RAD51B: variants seen among roughly 807,000 people sequenced by gnomAD.
The protein encoded by RAD51B is DNA repair protein RAD51 homolog 2.
Under a neutral mutation model 42.2 loss-of-function variants are expected in RAD51B, and 38 were observed. The ratio of observed to expected loss-of-function variants is 0.90; its 90% CI spans 0.70 to 1.18. RAD51B has a LOEUF of 1.18. RAD51B is among the 50% of genes most tolerant of loss of function. The pLI is 0.00. For synonymous variants in RAD51B, 154 were observed against 145.2 expected, an observed-to-expected ratio of 1.06 and a Z score of -0.43; for missense variants, 373 against 400.7, an observed-to-expected ratio of 0.93 and a Z score of 0.59.
intron 10 of RAD51B, among the ~76,000 whole-genome samples, chr14:68,564,629 G>A (rs763414014): frequency 3.3e-5 from 5 of 152,182 alleles, no homozygotes; most frequent in African/African-American, 1.2e-4. Flanking sequence ...GGGGTGGGTG[G>A]AAACTCTGCT....
chr14:67,875,408 A>G (rs1268282050), intron 5 of RAD51B, among the ~76,000 whole-genome samples: 1 of 152,202 alleles, frequency 6.6e-6, no homozygotes, highest in Non-Finnish European at 1.5e-5. Context: ...AACACCTAGC[A>G]AACTACAGTC....
At chr14:68,327,433 T>C (rs2082272350) in intron 8 of RAD51B, among the ~76,000 whole-genome samples, 2 of 151,482 alleles carry the variant, frequency 1.3e-5, no homozygotes, top group South Asian at 4.2e-4. Context: ...TTCTGTCTAC[T>C]GCTTTCTCCT....
intron 8 of RAD51B, among the ~76,000 whole-genome samples, chr14:68,309,192 T>C (rs541544605): frequency 1.3e-5 from 2 of 152,296 alleles, no homozygotes; most frequent in East Asian, 3.9e-4. Context: ...CTTCATTAAC[T>C]GAGAAGGCAT....
intron 10 of RAD51B, among the ~76,000 whole-genome samples, chr14:68,473,963 C>G (rs1187065710): frequency 6.6e-6 from 1 of 152,172 alleles, no homozygotes; most frequent in African/African-American, 2.4e-5. Flanking sequence ...TCACAACTTG[C>G]TTTTGTTGCT....
intron 10 of RAD51B, among the ~76,000 whole-genome samples, chr14:68,571,275 C>T (rs2140039920): frequency 6.6e-6 from 1 of 152,308 alleles, no homozygotes; most frequent in East Asian, 1.9e-4. Flanking sequence ...CCATTGCTGC[C>T]ATACAAACTT....
intron 7 of RAD51B, among the ~76,000 whole-genome samples, chr14:68,143,487 C>T (rs189929728): frequency 4.7e-4 from 72 of 152,324 alleles, no homozygotes; most frequent in Non-Finnish European, 7.6e-4. Flanking sequence ...AAGCAGACAG[C>T]TGAAAGCTTC....
chr14:68,593,310 G>A (rs2140081762), intron 10 of RAD51B, among the ~76,000 whole-genome samples: 1 of 152,348 alleles, frequency 6.6e-6, no homozygotes, highest in South Asian at 2.1e-4. Context: ...GACTAAATGA[G>A]TTAATATGTG....
intron 8 of RAD51B, among the ~76,000 whole-genome samples, chr14:68,295,174 A>C (rs570095142): frequency 6.6e-6 from 1 of 152,188 alleles, no homozygotes; most frequent in African/African-American, 2.4e-5. Flanking sequence ...CAATGCCGGG[A>C]AAGTCCTTGG....
chr14:68,059,726 T>C (rs1217034800), intron 7 of RAD51B, among the ~76,000 whole-genome samples: 1 of 152,232 alleles, frequency 6.6e-6, no homozygotes, highest in Non-Finnish European at 1.5e-5. Context: ...TATTTCATTA[T>C]GTATTTTAGT....
chr14:68,222,060 G>A (rs941434511), intron 7 of RAD51B, among the ~76,000 whole-genome samples: 1 of 152,226 alleles, frequency 6.6e-6, no homozygotes, highest in Non-Finnish European at 1.5e-5. Context: ...CATGGATGCG[G>A]TGAAAAGGGA....
chr14:68,589,839 A>C (rs1020502261), intron 10 of RAD51B, among the ~76,000 whole-genome samples: 3 of 152,326 alleles, frequency 2.0e-5, no homozygotes, highest in Admixed American at 2.0e-4. Context: ...CAGGGATAGA[A>C]AGGGCTTTTT....
intron 10 of RAD51B, among the ~76,000 whole-genome samples, chr14:68,468,843 T>C (rs2086050630): frequency 6.6e-6 from 1 of 152,196 alleles, no homozygotes; most frequent in Non-Finnish European, 1.5e-5. Context: ...TTGCTTAGGG[T>C]ATAGCACCCT....
intron 7 of RAD51B, among the ~76,000 whole-genome samples, chr14:67,982,429 T>G (rs1232461781): frequency 6.6e-6 from 1 of 152,168 alleles, no homozygotes; most frequent in African/African-American, 2.4e-5. Flanking sequence ...AACATAAATA[T>G]AACAATGAAC....
intron 7 of RAD51B, among the ~76,000 whole-genome samples, chr14:68,233,431 T>G (rs2080185692): frequency 6.6e-6 from 1 of 152,208 alleles, no homozygotes; most frequent in African/African-American, 2.4e-5. Context: ...ATTTTTAGAT[T>G]TCTGTTTGTA....
At chr14:68,607,156 A>G (rs914983807) in intron 10 of RAD51B, among the ~76,000 whole-genome samples, 2 of 152,196 alleles carry the variant, frequency 1.3e-5, no homozygotes, top group Non-Finnish European at 2.9e-5. Context: ...TGAGGGAAAC[A>G]CAGTGTAGTG....
At chr14:68,375,728 T>C (rs2083355129) in intron 8 of RAD51B, among the ~76,000 whole-genome samples, 1 of 152,126 alleles carries the variant, frequency 6.6e-6, no homozygotes, top group South Asian at 2.1e-4. Flanking sequence ...GTTGAATGCA[T>C]TAATGAATCA....
chr14:67,935,428 G>A (rs576311870), intron 7 of RAD51B, among the ~76,000 whole-genome samples: 3 of 152,218 alleles, frequency 2.0e-5, no homozygotes, highest in South Asian at 4.1e-4. Flanking sequence ...TCAATGGCTC[G>A]ATTATAGCTC....
intron 7 of RAD51B, among the ~76,000 whole-genome samples, chr14:68,119,560 T>C (rs1038593377): frequency 3.5e-5 from 5 of 141,538 alleles, no homozygotes; most frequent in East Asian, 2.1e-4. Flanking sequence ...TGAGTGAGAA[T>C]ATGCGGTGTT....
intron 10 of RAD51B, among the ~76,000 whole-genome samples, chr14:68,503,041 C>G (rs921549761): frequency 6.6e-6 from 1 of 152,256 alleles, no homozygotes; most frequent in African/African-American, 2.4e-5. Flanking sequence ...CACCCCTCCT[C>G]CCTCTGACCT....
Sources: allele counts gnomAD v4.1 joint callset (sites outside exome capture counted in the v4.1 genomes callset), GRCh38; gene constraint gnomAD v4.1.1; transcripts MANE v1.5; gene names NCBI Gene and HGNC (gene_info 2026-07-23, HGNC 2026-07-21).